Variants in SNTG1 observed in about 807,000 individuals in gnomAD.
SNTG1 encodes syntrophin gamma 1.
SNTG1 carries 39 observed loss-of-function variants against 74.7 expected under a neutral mutation model. The observed-to-expected ratio is 0.52, with a 90% CI of 0.40 to 0.68. SNTG1 has a LOEUF of 0.68. SNTG1 is among the 30% of genes least tolerant of loss of function. SNTG1 has a pLI of 0.00. For synonymous variants in SNTG1, 254 were observed against 217.1 expected, an observed-to-expected ratio of 1.17 and a Z score of -1.49; for missense variants, 685 against 609.5, an observed-to-expected ratio of 1.12 and a Z score of -1.30.
chr8:50,184,403 A>T (rs1487271394), intron 2 of SNTG1, among the ~76,000 whole-genome samples: 1 of 152,116 alleles, frequency 6.6e-6, no homozygotes, highest in Non-Finnish European at 1.5e-5. Flanking sequence ...TGACCTCATG[A>T]TCTGCCTCCC....
chr8:50,581,187 T>C (rs141243194), intron 12 of SNTG1, among the ~76,000 whole-genome samples: 1 of 152,346 alleles, frequency 6.6e-6, no homozygotes, highest in East Asian at 1.9e-4. Context: ...CACTTGCATT[T>C]ATGATGTTCT....
chr8:50,247,212 T>C (rs2086440853), intron 2 of SNTG1, among the ~76,000 whole-genome samples: 1 of 152,188 alleles, frequency 6.6e-6, no homozygotes, highest in South Asian at 2.1e-4. Flanking sequence ...ATGAACATTG[T>C]CTCATCCCTT....
chr8:50,378,616 C>T (rs1039094348), intron 2 of SNTG1, among the ~76,000 whole-genome samples: 4 of 152,112 alleles, frequency 2.6e-5, no homozygotes, highest in African/African-American at 9.7e-5. Context: ...CTCCTTTCTT[C>T]AGGCAGGATA....
chr8:50,278,195 CTTATA>C (rs988237987), intron 2 of SNTG1, among the ~76,000 whole-genome samples: 71 of 152,080 alleles, frequency 4.7e-4, no homozygotes, highest in African/African-American at 1.6e-3. Flanking sequence ...AAAAAAAGGA[CTTATA>C]TTAATTAATA....
intron 13 of SNTG1, among the ~76,000 whole-genome samples, chr8:50,592,622 T>G (rs2094699189): frequency 7.2e-6 from 1 of 139,162 alleles, no homozygotes; most frequent in Non-Finnish European, 1.5e-5. Context: ...ATTCTAACAC[T>G]ATAATATTCT....
intron 13 of SNTG1, among the ~76,000 whole-genome samples, chr8:50,594,979 C>T (rs996342953): frequency 4.0e-5 from 6 of 150,824 alleles, no homozygotes; most frequent in Admixed American, 4.0e-4. Context: ...ATAATCTAAT[C>T]AGTTGTATAT....
At chr8:50,687,491 T>G (rs78563657) in intron 15 of SNTG1, among the ~76,000 whole-genome samples, 3,439 of 152,322 alleles carry the variant, frequency 0.023, 107 homozygotes, top group African/African-American at 0.072. Context: ...TAGCAATACT[T>G]GTATTAAACA....
At chr8:50,423,887 T>C (rs2093128926) in intron 4 of SNTG1, among the ~76,000 whole-genome samples, 1 of 152,146 alleles carries the variant, frequency 6.6e-6, no homozygotes. Context: ...GGAGCCGACA[T>C]AAAGTGGTCA....
At chr8:50,668,067 G>C (rs2095259241) in intron 15 of SNTG1, among the ~76,000 whole-genome samples, 1 of 152,026 alleles carries the variant, frequency 6.6e-6, no homozygotes, top group African/African-American at 2.4e-5. Flanking sequence ...GAACACATCA[G>C]AAGGAAGTCA....
chr8:50,328,827 G>A (rs11997557), intron 2 of SNTG1, among the ~76,000 whole-genome samples: 2 of 152,204 alleles, frequency 1.3e-5, no homozygotes, highest in East Asian at 1.9e-4. Context: ...GTCCCAAAAA[G>A]TCTTAACTTA....
intron 1 of SNTG1, among the ~76,000 whole-genome samples, chr8:50,102,233 T>C (rs1201143158): frequency 2.0e-5 from 3 of 148,256 alleles, no homozygotes; most frequent in Non-Finnish European, 4.5e-5. Context: ...GTTTCCTGAC[T>C]TTTTAATGAT....
At chr8:50,173,072 A>G (rs1020395638) in intron 2 of SNTG1, among the ~76,000 whole-genome samples, 3 of 149,944 alleles carry the variant, frequency 2.0e-5, no homozygotes, top group Non-Finnish European at 1.5e-5. Flanking sequence ...CAGACACTCA[A>G]CAATGGGGAG....
chr8:50,643,926 C>T (rs142109294), intron 13 of SNTG1: 2 of 152,262 alleles, frequency 1.3e-5, no homozygotes, highest in East Asian at 3.9e-4. Flanking sequence ...ATTTGAATGG[C>T]TTTAAGCACT....
At chr8:50,316,086 A>G (rs1009203901) in intron 2 of SNTG1, among the ~76,000 whole-genome samples, 2 of 152,166 alleles carry the variant, frequency 1.3e-5, no homozygotes, top group African/African-American at 4.8e-5. Flanking sequence ...TTTAATTAAC[A>G]TCATTATTCT....
At chr8:50,385,711 CTGATGGGCCTTA>C (rs2092563561) in intron 2 of SNTG1, among the ~76,000 whole-genome samples, 1 of 152,166 alleles carries the variant, frequency 6.6e-6, no homozygotes, top group African/African-American at 2.4e-5. Context: ...CAAACTGCTT[CTGATGGGCCTTA>C]TGGACAGGAA....
At chr8:49,960,964 AGTTACCT>A (rs1412529174) in intron 1 of SNTG1, among the ~76,000 whole-genome samples, 9 of 152,200 alleles carry the variant, frequency 5.9e-5, no homozygotes, top group Non-Finnish European at 1.3e-4. Flanking sequence ...AGGAGCGGAA[AGTTACCT>A]GTATAGGAAA....
At chr8:50,251,461 A>G (rs888855997) in intron 2 of SNTG1, among the ~76,000 whole-genome samples, 5 of 151,978 alleles carry the variant, frequency 3.3e-5, no homozygotes, top group Non-Finnish European at 7.4e-5. Context: ...ACAAAATCCC[A>G]CTATATGTTG....
chr8:50,039,901 C>A (rs919958718), intron 1 of SNTG1, among the ~76,000 whole-genome samples: 7 of 152,118 alleles, frequency 4.6e-5, no homozygotes, highest in Admixed American at 2.6e-4. Flanking sequence ...GTGAAGGAGG[C>A]CTTTGCCTGC....
At chr8:50,762,270 C>T (rs954174242) in intron 18 of SNTG1, among the ~76,000 whole-genome samples, 9 of 151,874 alleles carry the variant, frequency 5.9e-5, no homozygotes, top group African/African-American at 1.9e-4. Flanking sequence ...GGGTGAATAG[C>T]GATAGCATTT....
Sources: allele counts gnomAD v4.1 joint callset (sites outside exome capture counted in the v4.1 genomes callset), GRCh38; gene constraint gnomAD v4.1.1; transcripts MANE v1.5; gene names NCBI Gene and HGNC (gene_info 2026-07-23, HGNC 2026-07-21).